The following LRFN2 variants were observed in gnomAD, a reference collection of about 807,000 sequenced individuals.
LRFN2 encodes leucine rich repeat and fibronectin type III domain containing 2.
Under a neutral mutation model 37.3 loss-of-function variants are expected in LRFN2, and 18 were observed. That is an observed-to-expected ratio of 0.48 (90% CI 0.33 to 0.72). The LOEUF is 0.72. Among genes scored for constraint, LRFN2 ranks in the 30% least tolerant of loss-of-function variants. The pLI, the probability that LRFN2 is intolerant of heterozygous loss-of-function variation, is 0.02. For missense variants in LRFN2, 1,006 were observed against 1,060.7 expected (o/e 0.95, Z 0.72); for synonymous variants, 556 against 466.6 (o/e 1.19, Z -2.47).
At chr6:40,416,884 C>T (rs907581870) in intron 2 of LRFN2, among the ~76,000 whole-genome samples, 3 of 152,208 alleles carry the variant, frequency 2.0e-5, no homozygotes, top group Non-Finnish European at 4.4e-5. Context: ...CCCGGCCCTC[C>T]GAACTGTGAA....
intron 1 of LRFN2, among the ~76,000 whole-genome samples, chr6:40,573,032 G>A (rs1221265214): frequency 6.6e-6 from 1 of 152,224 alleles, no homozygotes; most frequent in East Asian, 1.9e-4. Context: ...AATTTGAACA[G>A]AACTGAAAAG....
intron 1 of LRFN2, among the ~76,000 whole-genome samples, chr6:40,518,078 G>T (rs1765936797): frequency 6.6e-6 from 1 of 152,236 alleles, no homozygotes; most frequent in Admixed American, 6.5e-5. Context: ...TCCCAGTCTG[G>T]TCTCTAATTT....
At chr6:40,477,634 G>A (rs1016934369) in intron 1 of LRFN2, among the ~76,000 whole-genome samples, 3 of 152,260 alleles carry the variant, frequency 2.0e-5, no homozygotes, top group East Asian at 3.9e-4. Context: ...AGGAATGGGC[G>A]AGAGTTAGCT....
At chr6:40,551,957 A>T (rs952566141) in intron 1 of LRFN2, among the ~76,000 whole-genome samples, 1 of 151,618 alleles carries the variant, frequency 6.6e-6, no homozygotes, top group Non-Finnish European at 1.5e-5. Flanking sequence ...AAGCCCAAAG[A>T]AAAAAAAAGA....
At chr6:40,394,060 C>CTCTA (rs2113790970) in intron 2 of LRFN2, among the ~76,000 whole-genome samples, 1 of 152,268 alleles carries the variant, frequency 6.6e-6, no homozygotes, top group Non-Finnish European at 1.5e-5. Flanking sequence ...AGCCAAGAAA[C>CTCTA]CTGGGGGAAG....
intron 2 of LRFN2, among the ~76,000 whole-genome samples, chr6:40,412,245 C>T (rs916768613): frequency 6.6e-6 from 1 of 152,194 alleles, no homozygotes; most frequent in African/African-American, 2.4e-5. Context: ...ACTCCCACTC[C>T]ACACCTTACA....
chr6:40,498,577 A>C (rs1322192446), intron 1 of LRFN2, among the ~76,000 whole-genome samples: 2 of 152,228 alleles, frequency 1.3e-5, no homozygotes, highest in Non-Finnish European at 2.9e-5. Flanking sequence ...AAGTTCAGGC[A>C]CCAAGATATC....
intron 1 of LRFN2, among the ~76,000 whole-genome samples, chr6:40,520,525 C>A (rs1766030670): frequency 6.6e-6 from 1 of 152,222 alleles, no homozygotes; most frequent in Non-Finnish European, 1.5e-5. Flanking sequence ...ACCATCCAGC[C>A]ATCTGTCCAG....
At chr6:40,511,043 G>C (rs1430873439) in intron 1 of LRFN2, among the ~76,000 whole-genome samples, 2 of 152,060 alleles carry the variant, frequency 1.3e-5, no homozygotes, top group African/African-American at 4.8e-5. Context: ...AGAGAGGTGA[G>C]ACCATGGGGG....
At chr6:40,498,503 T>C (rs575524350) in intron 1 of LRFN2, among the ~76,000 whole-genome samples, 107 of 152,236 alleles carry the variant, frequency 7.0e-4, no homozygotes, top group African/African-American at 2.5e-3. Context: ...CATACTTTTT[T>C]CCCCATATCT....
chr6:40,577,813 A>AT (rs754878016), intron 1 of LRFN2, among the ~76,000 whole-genome samples: 68,462 of 142,464 alleles, frequency 0.48, 16,817 homozygotes, highest in Middle Eastern at 0.59. Flanking sequence ...ATAAATAAAA[A>AT]TTAAAAAAAA....
In LRFN2 at chr6:40,471,144, G is replaced by A. The variant is rs1012084426; in HGVS notation, c.-18-38013C>T. On this transcript the variant is annotated intron_variant, in intron 1 of 2. Transcript: ENST00000338305. Reference sequence around the variant, plus strand: ...GTTCAATCCAAGGCTGCTGGCAGGGGTACGGATGAGGCTGATGTGCAGATA... The same window carrying A: ...GTTCAATCCAAGGCTGCTGGCAGGGATACGGATGAGGCTGATGTGCAGATA... Among the ~76,000 whole-genome samples, 6 of 152,282 alleles carry A rather than the reference G, an allele frequency of 3.9e-5. No homozygotes were observed. In the East Asian group the frequency reaches 1.2e-3, roughly 29 times the overall value.
chr6:40,580,638 G>C (rs1244542988), intron 1 of LRFN2, among the ~76,000 whole-genome samples: 2 of 152,156 alleles, frequency 1.3e-5, no homozygotes, highest in Non-Finnish European at 2.9e-5. Flanking sequence ...GAGGTCAGAG[G>C]GCTATAGGAA....
Position 40,431,744 on chromosome 6 carries a change from T to C in LRFN2, c.1370A>G (p.Asn457Ser). 6.6e-7 allele frequency: 1 copy of C among 1,520,858 alleles called. No individual in the cohort carries two copies. The highest frequency in any genetic ancestry group is 8.8e-7 in the Non-Finnish European group (1 of 1,134,770). The allele number at this position is 1,520,858 out of a possible 1,614,324, so 94.2% of individuals were successfully genotyped here. The change falls in exon 2 of 3, where the codon AAC becomes AGC. Residue 457 changes from asparagine (N) to serine (S), a missense_variant. Around this residue, in one of 4 missense-constraint regions of LRFN2, gnomAD observed 120 missense variants for 178.4 expected, o/e 0.67. Transcript: ENST00000338305. ...AATCAGTACCTCATCGTCAGAGCAG[T>C]TGTACTGCAGCTGGTACATCTTCAC... ...PRVKMYQLQY[N>S]CSDDEVLIYR...
At chr6:40,436,271 G>A (rs1763672799) in intron 1 of LRFN2, among the ~76,000 whole-genome samples, 1 of 152,172 alleles carries the variant, frequency 6.6e-6, no homozygotes, top group Admixed American at 6.5e-5. Flanking sequence ...GCTGTGAACT[G>A]TAGCTCACAG....
At chr6:40,418,555 G>A (rs1346940657) in intron 2 of LRFN2, among the ~76,000 whole-genome samples, 1 of 152,040 alleles carries the variant, frequency 6.6e-6, no homozygotes, top group Non-Finnish European at 1.5e-5. Context: ...TGAATATCTG[G>A]TTCCAAATAC....
chr6:40,440,310 G>GATAGCTTTTATTGTGTTGCAACACA (rs1407026384), intron 1 of LRFN2, among the ~76,000 whole-genome samples: 1 of 152,142 alleles, frequency 6.6e-6, no homozygotes, highest in Non-Finnish European at 1.5e-5. Context: ...GCACGTCCGT[G>GATAGCTTTTATTGTGTTGCAACACA]ATAGCTTTTA....
Position 40,573,131 on chromosome 6 carries a change from T to A in LRFN2, c.-19+13810A>T, listed in dbSNP as rs185770243. Reference sequence around the variant, plus strand: ...CTCCTGATGAAATCTAATCCTGCCTTCATCACTTACAAGCTGTGTGACCTT... The same window carrying A: ...CTCCTGATGAAATCTAATCCTGCCTACATCACTTACAAGCTGTGTGACCTT... On this transcript the variant is annotated intron_variant, in intron 1 of 2. Coordinates refer to ENST00000338305, the MANE Select transcript of LRFN2 (RefSeq NM_020737.3). 1.6e-3 allele frequency among the ~76,000 whole-genome samples: 243 copies of A among 152,334 alleles called. 1 individual carries two copies. Among genetic ancestry groups the A allele is most frequent in the African/African-American group, 5.3e-3 (222 of 41,580 alleles).
chr6:40,521,868 AC>A (rs1337780624), intron 1 of LRFN2, among the ~76,000 whole-genome samples: 2 of 152,224 alleles, frequency 1.3e-5, no homozygotes, highest in Non-Finnish European at 2.9e-5. Context: ...CCCTTCCCAA[AC>A]ATGGCCGCTT....
Sources: gnomAD v4.1 joint callset for allele counts (sites outside exome capture counted in the v4.1 genomes callset) on GRCh38, gnomAD v4.1.1 for gene constraint, gnomAD v4.1.1 regional missense constraint, MANE v1.5 for transcripts, NCBI Gene and HGNC (gene_info 2026-07-23, HGNC 2026-07-21) for gene names.